STEAP1B: variants seen among roughly 807,000 people sequenced by gnomAD.
STEAP1B encodes the protein STEAP family protein MGC87042.
A neutral mutation model predicts 27.9 loss-of-function variants in STEAP1B; 13 were observed. The ratio of observed to expected loss-of-function variants is 0.47; its 90% CI spans 0.30 to 0.74. The LOEUF is 0.74. Ranked by LOEUF, STEAP1B falls within the 30% of genes least tolerant of loss-of-function variation. STEAP1B has a pLI of 0.06. For missense variants in STEAP1B, 250 were observed against 298.7 expected (o/e 0.84, Z 1.20); for synonymous variants, 86 against 107.1 (o/e 0.80, Z 1.22).
intron 4 of STEAP1B, among the ~76,000 whole-genome samples, chr7:22,472,859 G>A (rs576654214): frequency 6.6e-5 from 10 of 152,272 alleles, no homozygotes; most frequent in South Asian, 2.1e-4. Flanking sequence ...GGAGATTTAC[G>A]TCTGACTTGC....
At chr7:22,468,718 T>A (rs1004133109) in intron 4 of STEAP1B, among the ~76,000 whole-genome samples, 2 of 152,214 alleles carry the variant, frequency 1.3e-5, no homozygotes, top group Non-Finnish European at 2.9e-5. Flanking sequence ...CATTGCATAA[T>A]GATGTTCAGA....
At chr7:22,487,786 C>T (rs1353195960) in intron 4 of STEAP1B, among the ~76,000 whole-genome samples, 3 of 66,526 alleles carry the variant, frequency 4.5e-5, no homozygotes, top group African/African-American at 1.9e-4. Flanking sequence ...GCCTAGGCAA[C>T]AAGAGCAAAA....
chr7:22,464,095 A>T (rs1244878007), intron 4 of STEAP1B, among the ~76,000 whole-genome samples: 1 of 152,216 alleles, frequency 6.6e-6, no homozygotes, highest in East Asian at 1.9e-4. Flanking sequence ...ACAATGATTG[A>T]ACTCTTTTCT....
intron 4 of STEAP1B, among the ~76,000 whole-genome samples, chr7:22,471,470 C>T (rs1444678051): frequency 7.9e-5 from 12 of 152,216 alleles, no homozygotes; most frequent in African/African-American, 2.9e-4. Flanking sequence ...CTGCCTACCT[C>T]TTCAATCTTC....
intron 4 of STEAP1B, among the ~76,000 whole-genome samples, chr7:22,447,719 G>A (rs1785429541): frequency 6.6e-6 from 1 of 152,132 alleles, no homozygotes. Context: ...TGCAGCCATA[G>A]AAGCCAATTT....
At chr7:22,433,742 C>T in intron 4 of STEAP1B, among the ~76,000 whole-genome samples, 1 of 152,186 alleles carries the variant, frequency 6.6e-6, no homozygotes, top group East Asian at 1.9e-4. Context: ...AAGCTACCCA[C>T]CACTACTCAT....
chr7:22,422,494 A>ATT (rs35793677), intron 4 of STEAP1B, among the ~76,000 whole-genome samples: 68 of 145,696 alleles, frequency 4.7e-4, no homozygotes, highest in Non-Finnish European at 6.2e-4. Context: ...TATTTGTGTA[A>ATT]TTTTTTTTTT....
At chr7:22,446,360 A>C (rs1264324356) in intron 4 of STEAP1B, among the ~76,000 whole-genome samples, 1 of 152,234 alleles carries the variant, frequency 6.6e-6, no homozygotes, top group Non-Finnish European at 1.5e-5. Context: ...GCCCTATGCC[A>C]GTGGTTCACA....
intron 4 of STEAP1B, among the ~76,000 whole-genome samples, chr7:22,428,435 C>A (rs1314318819): frequency 1.3e-5 from 2 of 151,984 alleles, no homozygotes; most frequent in African/African-American, 4.8e-5. Context: ...TAAGCTCTTA[C>A]AAACATTCAT....
chr7:22,483,490 TG>T (rs1323606402), intron 4 of STEAP1B, among the ~76,000 whole-genome samples: 1 of 152,258 alleles, frequency 6.6e-6, no homozygotes, highest in Non-Finnish European at 1.5e-5. Flanking sequence ...TTTTTGGTTT[TG>T]TTTTTTTAAC....
At chr7:22,438,374 T>C (rs1317069688) in intron 4 of STEAP1B, 3 of 1,206,660 alleles carry the variant, frequency 2.5e-6, no homozygotes, top group Non-Finnish European at 3.4e-6. Context: ...TGCATTAAAA[T>C]AATTGGAGTA....
chr7:22,474,540 C>G (rs1219022160), intron 4 of STEAP1B, among the ~76,000 whole-genome samples: 1 of 152,220 alleles, frequency 6.6e-6, no homozygotes, highest in Non-Finnish European at 1.5e-5. Flanking sequence ...TCAAAATGGT[C>G]TGTTGACAGC....
chr7:22,483,266 GA>G (rs78708897), intron 4 of STEAP1B, among the ~76,000 whole-genome samples: 9 of 149,094 alleles, frequency 6.0e-5, no homozygotes, highest in East Asian at 4.0e-4. Flanking sequence ...CCTTAGAAAA[GA>G]AAAAAAAAAT....
intron 4 of STEAP1B, among the ~76,000 whole-genome samples, chr7:22,439,711 C>G (rs890768421): frequency 6.6e-6 from 1 of 152,010 alleles, no homozygotes; most frequent in African/African-American, 2.4e-5. Flanking sequence ...ATAAATGTGT[C>G]CAATCCACTG....
intron 4 of STEAP1B, among the ~76,000 whole-genome samples, chr7:22,472,805 G>A (rs1785907550): frequency 6.6e-6 from 1 of 152,150 alleles, no homozygotes; most frequent in African/African-American, 2.4e-5. Flanking sequence ...TGGCAGTTGG[G>A]AGGCTATGCA....
intron 4 of STEAP1B, among the ~76,000 whole-genome samples, chr7:22,462,490 T>C (rs994790442): frequency 4.5e-5 from 6 of 133,960 alleles, no homozygotes; most frequent in African/African-American, 1.7e-4. Context: ...TGTTTGGTTT[T>C]TTGTTCTTGC....
At chr7:22,432,560 G>A (rs1214409962) in intron 4 of STEAP1B, among the ~76,000 whole-genome samples, 1 of 152,106 alleles carries the variant, frequency 6.6e-6, no homozygotes, top group East Asian at 1.9e-4. Flanking sequence ...GGGCAACAGA[G>A]TGAGACTCTG....
At chr7:22,492,410 A>C (rs1786343090) in intron 4 of STEAP1B, 155 bp downstream of exon 4, 3 of 1,078,832 alleles carry the variant, frequency 2.8e-6, no homozygotes, top group Admixed American at 7.8e-5. Context: ...AGCAATAGGG[A>C]AAACAACAGG....
intron 4 of STEAP1B, among the ~76,000 whole-genome samples, chr7:22,488,197 C>T (rs928486019): frequency 6.6e-6 from 1 of 152,210 alleles, no homozygotes; most frequent in South Asian, 2.1e-4. Context: ...ATCCACATGG[C>T]CTCCAGGACC....
Sources: gnomAD v4.1 joint callset for allele counts (sites outside exome capture counted in the v4.1 genomes callset) on GRCh38, gnomAD v4.1.1 for gene constraint, MANE v1.5 for transcripts, NCBI Gene and HGNC (gene_info 2026-07-23, HGNC 2026-07-21) for gene names.